The following DGKI variants were observed in gnomAD, a reference collection of about 807,000 sequenced individuals.
The protein encoded by DGKI is diacylglycerol kinase iota, also known as DAG kinase iota.
DGKI carries 55 observed loss-of-function variants against 147.5 expected under a neutral mutation model. That is an observed-to-expected ratio of 0.37 (90% CI 0.30 to 0.47). DGKI has a LOEUF of 0.47. Ranked by LOEUF, DGKI falls within the 20% of genes least tolerant of loss-of-function variation. The probability of loss-of-function intolerance (pLI) is 1.00; values close to 1 mark genes in which losing one functional copy is unlikely to be tolerated. For missense variants in DGKI, 1,007 were observed against 1,323.8 expected (o/e 0.76, Z 3.71); for synonymous variants, 469 against 477.1 (o/e 0.98, Z 0.22).
intron 1 of DGKI, among the ~76,000 whole-genome samples, chr7:137,807,104 C>T (rs927119874): frequency 2.0e-5 from 3 of 152,156 alleles, no homozygotes; most frequent in East Asian, 1.9e-4. Flanking sequence ...TGTGTGATTA[C>T]GAGATAGTTT....
Position 137,762,840 on chromosome 7 carries a change from G to A in DGKI, c.402-72838C>T, listed in dbSNP as rs111636720. Among the ~76,000 whole-genome samples the A allele has an allele frequency of 7.0e-3, 1,065 of 152,226 alleles. 11 individuals carry two copies. The highest frequency in any genetic ancestry group is 0.024 in the African/African-American group (1,004 of 41,518). ...CCTTGCTATGGCGTGCACATCTCCT[G>A]ATCTCAGCACCTAGCCTGTTCCAGA... On this transcript the variant is annotated intron_variant, in intron 1 of 32. Transcript: ENST00000614521.
In DGKI at chr7:137,415,994, C is replaced by T. The variant is rs1812344768; in HGVS notation, c.2762-3787G>A. Reference sequence around the variant, plus strand: ...GACAGAGTGAGACTCTGTCTCAAAACCAACCAACAAACAAAAAAAACAACA... The same window carrying T: ...GACAGAGTGAGACTCTGTCTCAAAATCAACCAACAAACAAAAAAAACAACA... On this transcript the variant is annotated intron_variant, in intron 28 of 32. Coordinates refer to ENST00000614521, the MANE Select transcript of DGKI (RefSeq NM_001321708.2). 1.2e-4 allele frequency among the ~76,000 whole-genome samples: 3 copies of T among 24,238 alleles called. No homozygotes were observed. In the South Asian group the frequency reaches 0.022, roughly 176 times the overall value. 15.9% of individuals were successfully genotyped at this position (24,238 alleles called of 152,430 possible).
intron 1 of DGKI, among the ~76,000 whole-genome samples, chr7:137,713,234 G>T (rs1450675107): frequency 2.0e-5 from 3 of 152,108 alleles, no homozygotes; most frequent in South Asian, 4.1e-4. Context: ...AGAACCAACT[G>T]CAGGACCCCT....
rs771157826 is a variant in DGKI at position 137,383,382 on chromosome 7, A to G, written c.*7838T>C. On this transcript the variant is annotated 3_prime_UTR_variant, in exon 33 of 33. Coordinates refer to ENST00000614521, the MANE Select transcript of DGKI (RefSeq NM_001321708.2). ...TTAGGGTCATGAAATCCCCGCTGCT[A>G]AGTGATTTGGGATATATTTGCAATG... 3 of 151,804 alleles carry G rather than the reference A, an allele frequency of 2.0e-5. No individual in the cohort carries two copies. The highest frequency in any genetic ancestry group is 4.4e-5 in the Non-Finnish European group (3 of 67,890). 9.4% of individuals were successfully genotyped at this position (151,804 alleles called of 1,614,324 possible). A position where few individuals can be genotyped will look rare whatever the true frequency, so the allele number is the denominator to read the frequency against.
intron 1 of DGKI, among the ~76,000 whole-genome samples, chr7:137,727,546 C>T (rs1183393598): frequency 1.3e-5 from 2 of 152,142 alleles, no homozygotes; most frequent in Admixed American, 6.5e-5. Flanking sequence ...TCTCCATCCC[C>T]TCTGTAGGGC....
intron 28 of DGKI, among the ~76,000 whole-genome samples, chr7:137,419,093 C>G (rs938389636): frequency 1.1e-4 from 16 of 152,290 alleles, no homozygotes; most frequent in African/African-American, 3.8e-4. Flanking sequence ...TGCCTCCCCC[C>G]TTCCCCAGGT....
At chr7:137,398,803 T>C (rs941286290) in intron 30 of DGKI, among the ~76,000 whole-genome samples, 1 of 151,806 alleles carries the variant, frequency 6.6e-6, no homozygotes, top group African/African-American at 2.4e-5. Flanking sequence ...ATTTGACAAA[T>C]AGACTTCCTA....
At chr7:137,730,814 T>A (rs1272418422) in intron 1 of DGKI, among the ~76,000 whole-genome samples, 2 of 152,094 alleles carry the variant, frequency 1.3e-5, no homozygotes, top group African/African-American at 4.8e-5. Context: ...AGAGCTGGTT[T>A]TGGGCAAATC....
chr7:137,472,002 T>G lies in DGKI; in HGVS notation c.2374-2383A>C, dbSNP rs201840703. 2.3e-4 allele frequency among the ~76,000 whole-genome samples: 32 copies of G among 137,440 alleles called. No homozygotes were observed. The East Asian group carries it at 6.7e-3, about 29-fold the overall frequency. 90.2% of individuals were successfully genotyped at this position (137,440 alleles called of 152,430 possible). Reference sequence around the variant, plus strand: ...ATATATACATTATATTATATATGTATATACAGACATATATACATATATATT... The same window carrying G: ...ATATATACATTATATTATATATGTAGATACAGACATATATACATATATATT... On this transcript the variant is annotated intron_variant, in intron 23 of 32. Transcript: ENST00000614521.
chr7:137,806,807 T>C (rs1308236910), intron 1 of DGKI, among the ~76,000 whole-genome samples: 2 of 152,094 alleles, frequency 1.3e-5, no homozygotes, highest in African/African-American at 2.4e-5. Flanking sequence ...CTCCCCACCA[T>C]GCATGACAGC....
At chr7:137,620,080 GCATGCACA>G (rs1439741885) in intron 7 of DGKI, 140 bp from the exon 8 acceptor site, 7 of 649,674 alleles carry the variant, frequency 1.1e-5, no homozygotes, top group South Asian at 3.5e-5. Context: ...AAATACATAT[GCATGCACA>G]CATGCACACA....
chr7:137,399,280 G>A (rs1384601216), intron 30 of DGKI, among the ~76,000 whole-genome samples: 1 of 152,008 alleles, frequency 6.6e-6, no homozygotes, highest in East Asian at 1.9e-4. Context: ...TATATTTGTT[G>A]AATATAAGAA....
chr7:137,560,265 C>T (rs1407926815), intron 19 of DGKI, among the ~76,000 whole-genome samples: 3 of 152,078 alleles, frequency 2.0e-5, no homozygotes, highest in Admixed American at 6.5e-5. Flanking sequence ...TAGAAATTAC[C>T]GTATCTGAAA....
chr7:137,738,696 T>C (rs1299870492), intron 1 of DGKI, among the ~76,000 whole-genome samples: 1 of 149,464 alleles, frequency 6.7e-6, no homozygotes, highest in South Asian at 2.1e-4. Context: ...GTGAACACTT[T>C]TTTAGAAATT....
chr7:137,752,417 C>T (rs1269536876), intron 1 of DGKI, among the ~76,000 whole-genome samples: 1 of 152,134 alleles, frequency 6.6e-6, no homozygotes, highest in Admixed American at 6.5e-5. Context: ...GTACGGAATT[C>T]CGCTAAGGGA....
chr7:137,620,634 T>C (rs542540740), intron 7 of DGKI, among the ~76,000 whole-genome samples: 132 of 152,222 alleles, frequency 8.7e-4, no homozygotes, highest in African/African-American at 3.0e-3. Flanking sequence ...AAGTCTAAAG[T>C]GATTTTTGCT....
intron 1 of DGKI, among the ~76,000 whole-genome samples, chr7:137,821,616 A>G (rs1199970497): frequency 6.6e-6 from 1 of 151,996 alleles, no homozygotes; most frequent in Non-Finnish European, 1.5e-5. Flanking sequence ...ACTCCCAGTA[A>G]GATGAAAGTC....
Position 137,410,098 on chromosome 7 carries a change from C to T in DGKI, c.2799+2072G>A, listed in dbSNP as rs77288812. Reference sequence around the variant, plus strand: ...AACCTTAAGCCCTCAGTAAATATTCCATCTCTCAGTAAATAAGGTGTTATT... The same window carrying T: ...AACCTTAAGCCCTCAGTAAATATTCTATCTCTCAGTAAATAAGGTGTTATT... On this transcript the variant is annotated intron_variant, in intron 29 of 32. Coordinates refer to ENST00000614521, the MANE Select transcript of DGKI (RefSeq NM_001321708.2). Among the ~76,000 whole-genome samples, 1,403 of 152,140 alleles carry T rather than the reference C, an allele frequency of 9.2e-3. 20 individuals carry two copies. Among genetic ancestry groups the T allele is most frequent in the African/African-American group, 0.032 (1,346 of 41,514 alleles).
chr7:137,740,269 C>T (rs1196569768), intron 1 of DGKI, among the ~76,000 whole-genome samples: 1 of 152,170 alleles, frequency 6.6e-6, no homozygotes, highest in Non-Finnish European at 1.5e-5. Context: ...CTTCCTCTGT[C>T]TGTCAATTTT....
Sources: allele counts gnomAD v4.1 joint callset (sites outside exome capture counted in the v4.1 genomes callset), GRCh38; gene constraint gnomAD v4.1.1; transcripts MANE v1.5; gene names NCBI Gene and HGNC (gene_info 2026-07-23, HGNC 2026-07-21).